ASH1L: variants seen among roughly 807,000 people sequenced by gnomAD.
ASH1L encodes the protein ASH1 like histone lysine methyltransferase.
Under a neutral mutation model 269.0 loss-of-function variants are expected in ASH1L, and 23 were observed. The observed-to-expected ratio is 0.09, with a 90% CI of 0.06 to 0.12. The LOEUF (loss-of-function observed/expected upper bound fraction) is 0.12, where lower values mean the gene tolerates loss of function less well. Ranked by LOEUF, ASH1L falls within the 10% of genes least tolerant of loss-of-function variation. The pLI is 1.00. For synonymous variants in ASH1L, 1,187 were observed against 1,253.5 expected (o/e 0.95, Z 1.12); for missense variants, 2,912 against 3,567.8 (o/e 0.82, Z 4.68).
In ASH1L at chr1:155,521,452, G is replaced by C. The variant is rs908343803; in HGVS notation, c.68C>G (p.Pro23Arg). The change falls in exon 2 of 28, where the codon CCT becomes CGT. Residue 23 changes from proline (P) to arginine (R), a missense_variant. By Grantham distance (103) the Pro-to-Arg change is moderately radical. Around this residue, in one of 13 missense-constraint regions of ASH1L, gnomAD observed 115 missense variants for 101.5 expected, o/e 1.13. Transcript: ENST00000392403. ...CAATGTGCCAGTACTGATGGCAGAA[G>C]GACTCTTTCTTGAAAAACCTTCGGA... ...SDSEGFSRKS[P>R]SAISTGTLVS... The C allele has an allele frequency of 1.2e-6, 2 of 1,613,796 alleles. No individual in the cohort carries two copies. Among genetic ancestry groups the C allele is most frequent in the African/African-American group, 2.7e-5 (2 of 74,838 alleles).
At chr1:155,541,354 T>C (rs1670415375) in intron 1 of ASH1L, among the ~76,000 whole-genome samples, 1 of 152,036 alleles carries the variant, frequency 6.6e-6, no homozygotes, top group African/African-American at 2.4e-5. Flanking sequence ...ATTTTTCAGT[T>C]TCTATAATTT....
intron 2 of ASH1L, among the ~76,000 whole-genome samples, chr1:155,497,196 A>G (rs1667209199): frequency 6.6e-6 from 1 of 152,212 alleles, no homozygotes; most frequent in Admixed American, 6.5e-5. Context: ...AAGAAGTGAA[A>G]GCAGGAACTG....
chr1:155,449,778 C>T (rs1314149640), intron 4 of ASH1L, among the ~76,000 whole-genome samples: 2 of 152,060 alleles, frequency 1.3e-5, no homozygotes, highest in African/African-American at 4.8e-5. Flanking sequence ...CTCAGCTTCC[C>T]AAAGTGCTGG....
At chr1:155,522,891 A>G (rs1187647684) in intron 1 of ASH1L, among the ~76,000 whole-genome samples, 1 of 152,084 alleles carries the variant, frequency 6.6e-6, no homozygotes, top group Non-Finnish European at 1.5e-5. Flanking sequence ...GGGTTTCACC[A>G]TGTTGGCCAG....
At chr1:155,356,855 G>T (rs549378555) in intron 15 of ASH1L, among the ~76,000 whole-genome samples, 2 of 151,436 alleles carry the variant, frequency 1.3e-5, no homozygotes, top group Non-Finnish European at 1.5e-5. Flanking sequence ...TTGGGAGATC[G>T]GGGCAGGAGG....
chr1:155,369,308 G>A (rs994811845), intron 12 of ASH1L, among the ~76,000 whole-genome samples: 26 of 152,086 alleles, frequency 1.7e-4, no homozygotes, highest in Non-Finnish European at 1.9e-4. Flanking sequence ...TTAGCCGGGC[G>A]TGGTGGCAGG....
chr1:155,474,893 T>A (rs933616082), intron 3 of ASH1L, among the ~76,000 whole-genome samples: 1 of 152,238 alleles, frequency 6.6e-6, no homozygotes, highest in African/African-American at 2.4e-5. Context: ...ATTATTTTTA[T>A]CCTCTCCATC....
chr1:155,557,136 A>C (rs543986954), intron 1 of ASH1L, among the ~76,000 whole-genome samples: 43 of 152,326 alleles, frequency 2.8e-4, no homozygotes, highest in African/African-American at 1.0e-3. Flanking sequence ...AGCAAATATA[A>C]TACTACAATA....
intron 10 of ASH1L, among the ~76,000 whole-genome samples, 185 bp from the exon 11 acceptor site, chr1:155,371,168 C>T (rs1481875332): frequency 6.6e-6 from 1 of 152,142 alleles, no homozygotes; most frequent in East Asian, 1.9e-4. Flanking sequence ...ATTTCCAAGT[C>T]GGGCTGCAAA....
At chr1:155,483,223 A>C (rs778755902) in intron 2 of ASH1L, among the ~76,000 whole-genome samples, 11 of 152,226 alleles carry the variant, frequency 7.2e-5, no homozygotes, top group Non-Finnish European at 1.0e-4. Context: ...GAACAAATGT[A>C]AAGTTATACT....
intron 4 of ASH1L, among the ~76,000 whole-genome samples, chr1:155,442,044 G>T (rs1217639263): frequency 6.6e-6 from 1 of 152,040 alleles, no homozygotes; most frequent in African/African-American, 2.4e-5. Flanking sequence ...TGGGATTATA[G>T]GTATGAGCCG....
At chr1:155,541,718 A>C (rs1670439443) in intron 1 of ASH1L, among the ~76,000 whole-genome samples, 2 of 152,188 alleles carry the variant, frequency 1.3e-5, no homozygotes, top group Admixed American at 1.3e-4. Context: ...AATTTCAAGA[A>C]GCTGCTGATT....
At chr1:155,347,618 A>T in intron 20 of ASH1L, 38 bp downstream of exon 20, 5 of 1,610,272 alleles carry the variant, frequency 3.1e-6, no homozygotes, top group Non-Finnish European at 4.2e-6. Flanking sequence ...CACCGTGTTC[A>T]TCAGGACCAA....
intron 1 of ASH1L, among the ~76,000 whole-genome samples, chr1:155,523,304 G>A (rs1245978993): frequency 6.6e-6 from 1 of 152,054 alleles, no homozygotes; most frequent in Non-Finnish European, 1.5e-5. Flanking sequence ...AGACCAGACT[G>A]GGCAACATGG....
chr1:155,368,498 C>A (rs1655640160), intron 12 of ASH1L, among the ~76,000 whole-genome samples: 1 of 151,640 alleles, frequency 6.6e-6, no homozygotes, highest in African/African-American at 2.4e-5. Flanking sequence ...CACTCTGTTG[C>A]CCAGGCTGGG....
At chr1:155,368,760 G>A (rs553719726) in intron 12 of ASH1L, among the ~76,000 whole-genome samples, 3 of 152,096 alleles carry the variant, frequency 2.0e-5, no homozygotes, top group Non-Finnish European at 4.4e-5. Flanking sequence ...CGGCTGGAAT[G>A]TTTTTCAAAG....
intron 2 of ASH1L, among the ~76,000 whole-genome samples, chr1:155,500,954 T>C (rs922602135): frequency 2.6e-5 from 4 of 151,852 alleles, no homozygotes; most frequent in African/African-American, 9.7e-5. Flanking sequence ...GGCGACAGAA[T>C]GAGACTCTGT....
At chr1:155,360,219 A>T in intron 13 of ASH1L, 82 bp downstream of exon 13, 1 of 959,858 alleles carries the variant, frequency 1.0e-6, no homozygotes, top group Non-Finnish European at 1.7e-6. Flanking sequence ...GCTCCAAGTC[A>T]ATCATGTTTA....
At chr1:155,491,669 T>TTC (rs893342854) in intron 2 of ASH1L, among the ~76,000 whole-genome samples, 5 of 152,070 alleles carry the variant, frequency 3.3e-5, no homozygotes, top group African/African-American at 4.8e-5. Flanking sequence ...TTGGGGTTTT[T>TTC]TCTCTCTCTC....
Sources: allele counts gnomAD v4.1 joint callset (sites outside exome capture counted in the v4.1 genomes callset), GRCh38; gene constraint gnomAD v4.1.1; regional missense constraint gnomAD v4.1.1; transcripts MANE v1.5; gene names NCBI Gene and HGNC (gene_info 2026-07-23, HGNC 2026-07-21).